The following KIRREL3 variants were observed in gnomAD, a reference collection of about 807,000 sequenced individuals.
KIRREL3 encodes the protein kin of IRRE-like protein 3.
In KIRREL3, 36 loss-of-function variants were observed where a neutral mutation model predicts 89.7. The observed-to-expected ratio is 0.40, with a 90% confidence interval of 0.31 to 0.53. KIRREL3 has a LOEUF of 0.53. KIRREL3 is among the 20% of genes least tolerant of loss of function. The pLI is 0.49. For missense variants in KIRREL3, 864 were observed against 1,056.6 expected, an observed-to-expected ratio of 0.82 and a Z score of 2.53; for synonymous variants, 445 against 441.4, an observed-to-expected ratio of 1.01 and a Z score of -0.10.
In KIRREL3 at chr11:126,876,305, T is replaced by G. The variant is rs1196858710; in HGVS notation, c.55+124150A>C. Among the ~76,000 whole-genome samples the G allele has an allele frequency of 1.3e-5, 2 of 152,128 alleles. No homozygotes were observed. Among genetic ancestry groups the G allele is most frequent in the African/African-American group, 4.8e-5 (2 of 41,408 alleles). ...CTGCTGGAGGCAACGATCTCTAGAC[T>G]CAGTTTCTCAGCCTGAAGGCACGGA... On this transcript the variant is annotated intron_variant, in intron 1 of 16. Transcript: ENST00000525144. This position sits in a 1 kb window ranked among gnomAD's most constrained non-coding sequence, Gnocchi z 4.1.
chr11:126,669,669 C>T lies in KIRREL3; in HGVS notation c.56-106757G>A, dbSNP rs905238113. ...CAGTAAATGTTGGAGGACTCCTGCA[C>T]TTCCTCGTGGGCTTTTCTCTCTTCT... On this transcript the variant is annotated intron_variant, in intron 1 of 16. Transcript: ENST00000525144. This position sits in a 1 kb window ranked among gnomAD's most constrained non-coding sequence, Gnocchi z 5.0. 2.0e-5 allele frequency among the ~76,000 whole-genome samples: 3 copies of T among 152,180 alleles called. No homozygotes were observed. The highest frequency in any genetic ancestry group is 7.2e-5 in the African/African-American group (3 of 41,432).
At chr11:126,582,415 G>A (rs777103845) in intron 1 of KIRREL3, among the ~76,000 whole-genome samples, 1 of 152,202 alleles carries the variant, frequency 6.6e-6, no homozygotes, top group Non-Finnish European at 1.5e-5. Flanking sequence ...GCATTCCCCT[G>A]ATGCTGCCGG....
chr11:126,469,519 A>G (rs1410741555), intron 5 of KIRREL3, among the ~76,000 whole-genome samples: 2 of 152,200 alleles, frequency 1.3e-5, no homozygotes, highest in Admixed American at 6.5e-5. Context: ...AGCCTGCTCC[A>G]TAGGAGCCCT....
At chr11:126,789,727 G>A (rs1712205345) in intron 1 of KIRREL3, among the ~76,000 whole-genome samples, 1 of 152,104 alleles carries the variant, frequency 6.6e-6, no homozygotes, top group South Asian at 2.1e-4. Flanking sequence ...TCTTCAATAT[G>A]GAGACAGGGT....
At chr11:126,599,523 G>A (rs1057423985) in intron 1 of KIRREL3, among the ~76,000 whole-genome samples, 1 of 152,134 alleles carries the variant, frequency 6.6e-6, no homozygotes, top group African/African-American at 2.4e-5. Flanking sequence ...CATGTGGCTG[G>A]ATCTGAGTCA....
intron 1 of KIRREL3, among the ~76,000 whole-genome samples, chr11:126,777,634 C>A (rs1005327315): frequency 6.6e-6 from 1 of 152,198 alleles, no homozygotes; most frequent in Non-Finnish European, 1.5e-5. Flanking sequence ...CAGCCCAAAG[C>A]AAGTCACTTT....
intron 1 of KIRREL3, among the ~76,000 whole-genome samples, chr11:126,632,381 G>C (rs996855280): frequency 6.6e-6 from 1 of 152,088 alleles, no homozygotes; most frequent in Non-Finnish European, 1.5e-5. Context: ...AAAACCTCAG[G>C]CTTTTTGGTT....
intron 1 of KIRREL3, among the ~76,000 whole-genome samples, chr11:126,839,838 A>C (rs142421309): frequency 6.6e-6 from 1 of 152,354 alleles, no homozygotes; most frequent in African/African-American, 2.4e-5. Flanking sequence ...ATTATGAATA[A>C]ATTAAATCTT....
chr11:126,820,194 T>C (rs1943157902), intron 1 of KIRREL3, among the ~76,000 whole-genome samples: 2 of 152,054 alleles, frequency 1.3e-5, no homozygotes. Flanking sequence ...AGCTAGCACA[T>C]AGTTTAGAGA....
intron 1 of KIRREL3, among the ~76,000 whole-genome samples, chr11:126,573,104 CT>C (rs1014017233): frequency 6.6e-6 from 1 of 152,176 alleles, no homozygotes; most frequent in Non-Finnish European, 1.5e-5. Context: ...GGAATGCCCC[CT>C]CCACATTCTG....
rs963482382 is a variant in KIRREL3 at position 126,739,495 on chromosome 11, G to A, written c.56-176583C>T. ...AGTCAGTGTGCCAGGTGCAGGTAGC[G>A]TCATGTGCCCTACCTGGGTCTTAAG... On this transcript the variant is annotated intron_variant, in intron 1 of 16. Coordinates refer to ENST00000525144, the MANE Select transcript of KIRREL3 (RefSeq NM_032531.4). This position sits in a 1 kb window ranked among gnomAD's most constrained non-coding sequence, Gnocchi z 5.5. Among the ~76,000 whole-genome samples, 7 of 152,200 alleles carry A rather than the reference G, an allele frequency of 4.6e-5. No individual in the cohort carries two copies. The highest frequency in any genetic ancestry group is 7.2e-5 in the African/African-American group (3 of 41,458).
In KIRREL3 at chr11:126,530,762, C is replaced by A. The variant is rs527692562; in HGVS notation, c.134-4075G>T. 6.6e-6 allele frequency among the ~76,000 whole-genome samples: 1 copy of A among 152,352 alleles called. No homozygotes were observed. The highest frequency in any genetic ancestry group is 2.1e-4 in the South Asian group (1 of 4,832). On this transcript the variant is annotated intron_variant, in intron 2 of 16. Coordinates refer to ENST00000525144, the MANE Select transcript of KIRREL3 (RefSeq NM_032531.4). This position sits in a 1 kb window ranked among gnomAD's most constrained non-coding sequence, Gnocchi z 5.8. ...TTCCATCTTCTCCGCTTCGCATTTT[C>A]CCTGATGATGTTCCCCTGGTGTGAA...
At chr11:126,934,477 T>C (rs557298845) in intron 1 of KIRREL3, among the ~76,000 whole-genome samples, 1 of 152,254 alleles carries the variant, frequency 6.6e-6, no homozygotes, top group African/African-American at 2.4e-5. Context: ...AATTTCTGCA[T>C]TTGAAAAGAC....
rs1948101867 is a variant in KIRREL3, at chr11:126,719,781, C to T, written c.56-156869G>A. ...ACCACTTCTTACAACCTCTGCTGCC[C>T]CCACCCTGGTCCAAGACAGCATCAC... On this transcript the variant is annotated intron_variant, in intron 1 of 16. Coordinates refer to ENST00000525144, the MANE Select transcript of KIRREL3 (RefSeq NM_032531.4). This position sits in a 1 kb window ranked among gnomAD's most constrained non-coding sequence, Gnocchi z 4.7. 6.6e-6 allele frequency among the ~76,000 whole-genome samples: 1 copy of T among 152,192 alleles called. No homozygotes were observed. Among genetic ancestry groups the T allele is most frequent in the Admixed American group, 6.5e-5 (1 of 15,276 alleles).
chr11:126,791,102 A>T lies in KIRREL3; in HGVS notation c.55+209353T>A, dbSNP rs146414392. Among the ~76,000 whole-genome samples the T allele has an allele frequency of 1.1e-4, 17 of 152,298 alleles. No homozygotes were observed. In the East Asian group the frequency reaches 2.9e-3, roughly 26 times the overall value. Reference sequence around the variant, plus strand: ...CTTGAAATGGTCTTTTTCTACCGTTAGGACAGGAAGGAAAAACCATCTTTG... The same window carrying T: ...CTTGAAATGGTCTTTTTCTACCGTTTGGACAGGAAGGAAAAACCATCTTTG... On this transcript the variant is annotated intron_variant, in intron 1 of 16. Transcript: ENST00000525144. The surrounding 1 kb of genome is among the most constrained non-coding windows in gnomAD (Gnocchi z 4.8).
At chr11:126,690,165 T>C (rs1423187325) in intron 1 of KIRREL3, among the ~76,000 whole-genome samples, 1 of 152,180 alleles carries the variant, frequency 6.6e-6, no homozygotes, top group African/African-American at 2.4e-5. Context: ...GCTTTATCTG[T>C]AGTGCGGACT....
intron 1 of KIRREL3, among the ~76,000 whole-genome samples, chr11:126,926,979 G>GTCTGCATGC (rs1947745554): frequency 6.6e-6 from 1 of 152,196 alleles, no homozygotes; most frequent in Non-Finnish European, 1.5e-5. Context: ...TGCCTGCCCT[G>GTCTGCATGC]TCTGCATGCT....
chr11:126,425,038 G>A lies in KIRREL3; in HGVS notation c.1894-15C>T. 6.6e-7 allele frequency: 1 copy of A among 1,503,978 alleles called. No individual in the cohort carries two copies. Among genetic ancestry groups the A allele is most frequent in the Non-Finnish European group, 8.9e-7 (1 of 1,125,796 alleles). 93.2% of individuals were successfully genotyped at this position (1,503,978 alleles called of 1,614,324 possible). A position where few individuals can be genotyped will look rare whatever the true frequency, so the allele number is the denominator to read the frequency against. On this transcript the variant is annotated splice_polypyrimidine_tract_variant and intron_variant, in intron 16 of 16. Coordinates refer to ENST00000525144, the MANE Select transcript of KIRREL3 (RefSeq NM_032531.4). Reference sequence around the variant, plus strand: ...TTGGTGGGGTCCTGGATGGGCGAGAGGAAGAGGAGCGTCACCTGGTGGAGT... The same window carrying A: ...TTGGTGGGGTCCTGGATGGGCGAGAAGAAGAGGAGCGTCACCTGGTGGAGT...
rs1208645560 is a variant in KIRREL3 at position 126,423,821 on chromosome 11, C to A, written c.*759G>T. On this transcript the variant is annotated 3_prime_UTR_variant, in exon 17 of 17. Transcript: ENST00000525144. ...GGGTGGGGAGGCTGGGGTCACACAGCCCAGGAGGGGCACACCCGGCGAGGT... is the reference window on the plus strand; with the variant it reads ...GGGTGGGGAGGCTGGGGTCACACAGACCAGGAGGGGCACACCCGGCGAGGT... 2.6e-5 allele frequency: 4 copies of A among 152,858 alleles called. No homozygotes were observed. The highest frequency in any genetic ancestry group is 9.6e-5 in the African/African-American group (4 of 41,464). The allele number at this position is 152,858 out of a possible 1,614,324, so 9.5% of individuals were successfully genotyped here. A position where few individuals can be genotyped will look rare whatever the true frequency, so the allele number is the denominator to read the frequency against.
Sources: allele counts gnomAD v4.1 joint callset (sites outside exome capture counted in the v4.1 genomes callset), GRCh38; gene constraint gnomAD v4.1.1; non-coding constraint Gnocchi (gnomAD v3.1); transcripts MANE v1.5; gene names NCBI Gene and HGNC (gene_info 2026-07-23, HGNC 2026-07-21).